MIB1: variants seen among roughly 807,000 people sequenced by gnomAD.
MIB1 encodes MIB E3 ubiquitin protein ligase 1.
MIB1 carries 278 observed loss-of-function variants against 124.5 expected under a neutral mutation model. The observed-to-expected ratio is 2.23, with a 90% confidence interval of 2.02 to 2.47. The LOEUF is 2.47. MIB1 is among the 30% of genes most tolerant of loss of function. The probability of loss-of-function intolerance (pLI) is 0.00; values close to 1 mark genes in which losing one functional copy is unlikely to be tolerated. For missense variants in MIB1, 957 were observed against 1,254.4 expected, an observed-to-expected ratio of 0.76 and a Z score of 3.58; for synonymous variants, 446 against 429.4, an observed-to-expected ratio of 1.04 and a Z score of -0.48.
At chr18:21,708,744 T>C (rs1470110274) in intron 1 of MIB1, among the ~76,000 whole-genome samples, 1 of 152,164 alleles carries the variant, frequency 6.6e-6, no homozygotes, top group African/African-American at 2.4e-5. Context: ...ATTCAATCAG[T>C]GTCTTCTTGG....
intron 15 of MIB1, 152 bp downstream of exon 15, chr18:21,844,405 A>G (rs979532095): frequency 1.3e-6 from 1 of 784,708 alleles, no homozygotes; most frequent in African/African-American, 1.8e-5. Context: ...ACTAGTCAGT[A>G]CTAACTTATT....
chr18:21,715,273 C>G (rs1265876098), intron 1 of MIB1, among the ~76,000 whole-genome samples: 2 of 152,162 alleles, frequency 1.3e-5, no homozygotes, highest in Non-Finnish European at 2.9e-5. Flanking sequence ...ACAGTCAGTA[C>G]AGCTTGGCTT....
intron 6 of MIB1, among the ~76,000 whole-genome samples, chr18:21,785,503 ACT>A (rs889242889): frequency 1.3e-5 from 2 of 151,236 alleles, no homozygotes; most frequent in African/African-American, 2.4e-5. Context: ...AAACTAAAAG[ACT>A]CTACACTTTT....
chr18:21,840,148 A>G (rs2042069917), intron 13 of MIB1, among the ~76,000 whole-genome samples: 1 of 152,228 alleles, frequency 6.6e-6, no homozygotes, highest in South Asian at 2.1e-4. Context: ...TTTTCCATAT[A>G]TCCTGTGACC....
chr18:21,797,298 G>A (rs2041594153), intron 7 of MIB1, among the ~76,000 whole-genome samples: 1 of 152,098 alleles, frequency 6.6e-6, no homozygotes, highest in Non-Finnish European at 1.5e-5. Context: ...TGAGGATTCA[G>A]TATGCTGTTG....
In MIB1 at chr18:21,869,590, A is replaced by C. The variant is rs916822482; in HGVS notation, c.*4924A>C. 1 of 152,506 alleles carries C rather than the reference A, an allele frequency of 6.6e-6. No individual in the cohort carries two copies. The allele number at this position is 152,506 out of a possible 1,614,324, so 9.4% of individuals were successfully genotyped here. A position where few individuals can be genotyped will look rare whatever the true frequency, so the allele number is the denominator to read the frequency against. Reference sequence around the variant, plus strand: ...GGTAATTCTTTAAAGGAAGTTTTCTAGATTTGCACTTGATGTTTGTTTTTT... The same window carrying C: ...GGTAATTCTTTAAAGGAAGTTTTCTCGATTTGCACTTGATGTTTGTTTTTT... On this transcript the variant is annotated 3_prime_UTR_variant, in exon 21 of 21. Transcript: ENST00000261537.
intron 6 of MIB1, among the ~76,000 whole-genome samples, chr18:21,782,488 A>G (rs2041381774): frequency 6.6e-6 from 1 of 152,086 alleles, no homozygotes; most frequent in Non-Finnish European, 1.5e-5. Context: ...TCTGTATTTC[A>G]TGGATTTTGA....
At chr18:21,815,399 T>A (rs1158981691) in intron 10 of MIB1, among the ~76,000 whole-genome samples, 1 of 152,022 alleles carries the variant, frequency 6.6e-6, no homozygotes, top group Non-Finnish European at 1.5e-5. Context: ...TACTCACATT[T>A]ACAGTTTACT....
rs573337171 is a variant in MIB1 at position 21,856,718 on chromosome 18, A to C, written c.2666-412A>C. Among the ~76,000 whole-genome samples, 10 of 152,308 alleles carry C rather than the reference A, an allele frequency of 6.6e-5. No individual in the cohort carries two copies. The South Asian group carries it at 2.1e-3, about 32-fold the overall frequency. On this transcript the variant is annotated intron_variant, in intron 18 of 20. Transcript: ENST00000261537. ...GTTCCGCACATGTATCCCAGAGCTT[A>C]AAGTAAAATAAAAATAAAGAAATAT...
chr18:21,849,620 T>C lies in MIB1; in HGVS notation c.2586+232T>C, dbSNP rs183696345. Among the ~76,000 whole-genome samples, 421 of 152,238 alleles carry C rather than the reference T, an allele frequency of 2.8e-3. 1 individual carries two copies. Among genetic ancestry groups the C allele is most frequent in the Admixed American group, 4.5e-3 (69 of 15,286 alleles). On this transcript the variant is annotated intron_variant, in intron 17 of 20. Coordinates refer to ENST00000261537, the MANE Select transcript of MIB1 (RefSeq NM_020774.4). The stretch of plus-strand genomic sequence containing the variant: ...TTTGCTAAGTTAATTATTGTTTGAG[T>C]TTATTGATACACCATTTTTACTGTC...
intron 1 of MIB1, among the ~76,000 whole-genome samples, chr18:21,735,436 G>T (rs1205424618): frequency 6.6e-6 from 1 of 152,086 alleles, no homozygotes; most frequent in Non-Finnish European, 1.5e-5. Flanking sequence ...CACAAAACTG[G>T]GTGGTCATTT....
intron 12 of MIB1, among the ~76,000 whole-genome samples, chr18:21,834,326 G>T (rs936149185): frequency 6.6e-6 from 1 of 152,032 alleles, no homozygotes; most frequent in African/African-American, 2.4e-5. Flanking sequence ...GAGGGGGTTG[G>T]CAATTTTTGA....
At chr18:21,733,147 G>T (rs2959523) in intron 1 of MIB1, among the ~76,000 whole-genome samples, 24,483 of 152,158 alleles carry the variant, frequency 0.16, 2,721 homozygotes, top group African/African-American at 0.32. Context: ...TGCTTCAGGG[G>T]CTTGATTCCA....
chr18:21,706,625 C>G (rs932550287), intron 1 of MIB1, among the ~76,000 whole-genome samples: 1 of 152,174 alleles, frequency 6.6e-6, no homozygotes, highest in Non-Finnish European at 1.5e-5. Context: ...CCGGCTGGCA[C>G]CGCCGGCCCT....
At position 21,838,326 on chromosome 18, in the gene MIB1, A is replaced by G. The variant is rs758663088; in HGVS notation, c.1830-39A>G. 3.4e-6 allele frequency: 5 copies of G among 1,457,434 alleles called. No individual in the cohort carries two copies. The South Asian group carries it at 7.1e-5, about 21-fold the overall frequency. The allele number at this position is 1,457,434 out of a possible 1,614,324, so 90.3% of individuals were successfully genotyped here. On this transcript the variant is annotated intron_variant, in intron 12 of 20. Transcript: ENST00000261537. ...CAAACTTTTCTTTTGAGTATATCAA[A>G]TTATGCAAATATAGAAATAATGTGA...
At chr18:21,778,598 TAAAA>T (rs982237573) in intron 5 of MIB1, among the ~76,000 whole-genome samples, 26 of 151,492 alleles carry the variant, frequency 1.7e-4, no homozygotes, top group Admixed American at 1.5e-3. Context: ...ATCATTAAAA[TAAAA>T]AAAAGGGAAC....
rs561483966 is a variant in MIB1 at position 21,719,184 on chromosome 18, G to A, written n.167+14061G>A. Among the ~76,000 whole-genome samples the A allele has an allele frequency of 2.9e-3, 414 of 144,750 alleles. 2 individuals are homozygous for A. Among genetic ancestry groups the A allele is most frequent in the African/African-American group, 9.3e-3 (364 of 38,962 alleles). 95.0% of individuals were successfully genotyped at this position (144,750 alleles called of 152,430 possible). A position where few individuals can be genotyped will look rare whatever the true frequency, so the allele number is the denominator to read the frequency against. On this transcript the variant is annotated intron_variant and non_coding_transcript_variant, in intron 1 of 20. Transcript: ENST00000578646. The stretch of plus-strand genomic sequence containing the variant: ...ACCTGGGCAACAAGAGCAAAACTCC[G>A]TCTCAAAAAAAAAAAAAAAATTTAG...
Position 21,860,098 on chromosome 18 carries a change from C to CTTTTTTTTTTTTTTTTTTTT in MIB1, c.2880+1460_2880+1479dup, listed in dbSNP as rs398032096. Among the ~76,000 whole-genome samples the CTTTTTTTTTTTTTTTTTTTT allele has an allele frequency of 1.1e-3, 30 of 26,462 alleles. 10 individuals are homozygous for CTTTTTTTTTTTTTTTTTTTT. The highest frequency in any genetic ancestry group is 1.5e-3 in the Admixed American group (2 of 1,364). The allele number at this position is 26,462 out of a possible 152,430, so 17.4% of individuals were successfully genotyped here. On this transcript the variant is annotated intron_variant, in intron 20 of 20. Transcript: ENST00000261537. The stretch of plus-strand genomic sequence containing the variant: ...GTGTTGGTTATGTTGTTCTTTATGT[C>CTTTTTTTTTTTTTTTTTTTT]TTTTTTTTTTTTTTTTTTTTTTTTT...
At chr18:21,800,759 A>C (rs569061273) in intron 9 of MIB1, among the ~76,000 whole-genome samples, 1 of 152,202 alleles carries the variant, frequency 6.6e-6, no homozygotes, top group Admixed American at 6.6e-5. Flanking sequence ...TAAAGTATTA[A>C]TGTCTTATTT....
Sources: gnomAD v4.1 joint callset for allele counts (sites outside exome capture counted in the v4.1 genomes callset) on GRCh38, gnomAD v4.1.1 for gene constraint, MANE v1.5 for transcripts, NCBI Gene and HGNC (gene_info 2026-07-23, HGNC 2026-07-21) for gene names.